The following ADAMTS3 variants were observed in gnomAD, a reference collection of about 807,000 sequenced individuals.
The protein encoded by ADAMTS3 is A disintegrin and metalloproteinase with thrombospondin motifs 3.
A neutral mutation model predicts 129.0 loss-of-function variants in ADAMTS3; 73 were observed. That is an observed-to-expected ratio of 0.57 (90% CI 0.47 to 0.69). The LOEUF is 0.69. Among genes scored for constraint, ADAMTS3 ranks in the 30% least tolerant of loss-of-function variants. The pLI is 0.00. For synonymous variants in ADAMTS3, 477 were observed against 510.8 expected (o/e 0.93, Z 0.89); for missense variants, 1,457 against 1,514.5 (o/e 0.96, Z 0.63).
chr4:72,518,268 A>G (rs535253207), intron 3 of ADAMTS3, among the ~76,000 whole-genome samples: 13 of 152,242 alleles, frequency 8.5e-5, no homozygotes, highest in Admixed American at 4.6e-4. Flanking sequence ...TATGTGGTCA[A>G]TTTTGGAATA....
chr4:72,404,370 T>C (rs1218697580), intron 4 of ADAMTS3, among the ~76,000 whole-genome samples: 1 of 151,804 alleles, frequency 6.6e-6, no homozygotes, highest in Non-Finnish European at 1.5e-5. Context: ...CACACATATA[T>C]GGTCAAATGG....
chr4:72,357,235 A>C (rs762084692), intron 4 of ADAMTS3, among the ~76,000 whole-genome samples: 4 of 151,934 alleles, frequency 2.6e-5, no homozygotes, highest in Non-Finnish European at 5.9e-5. Context: ...AAATATGTGA[A>C]TACCCTGTGA....
At chr4:72,320,566 G>A (rs1369806376) in intron 7 of ADAMTS3, 148 bp downstream of exon 7, 10 of 789,686 alleles carry the variant, frequency 1.3e-5, no homozygotes, top group East Asian at 1.1e-4. Flanking sequence ...ATAAGTCACT[G>A]TAAGCAAAAG....
intron 4 of ADAMTS3, among the ~76,000 whole-genome samples, chr4:72,368,462 T>C (rs1720925488): frequency 6.6e-6 from 1 of 152,238 alleles, no homozygotes; most frequent in African/African-American, 2.4e-5. Context: ...ACCAATTATA[T>C]ACTTAATTGA....
At chr4:72,393,882 G>A (rs983065276) in intron 4 of ADAMTS3, among the ~76,000 whole-genome samples, 1 of 152,132 alleles carries the variant, frequency 6.6e-6, no homozygotes, top group African/African-American at 2.4e-5. Context: ...TGAATTTCTG[G>A]AATTTGTTTT....
intron 3 of ADAMTS3, among the ~76,000 whole-genome samples, chr4:72,420,921 A>G (rs566807214): frequency 3.8e-4 from 58 of 152,222 alleles, no homozygotes; most frequent in African/African-American, 1.2e-3. Flanking sequence ...GGAGAAATAC[A>G]GAATTGTAAT....
intron 17 of ADAMTS3, among the ~76,000 whole-genome samples, chr4:72,301,704 C>T (rs1405116594): frequency 6.6e-6 from 1 of 151,166 alleles, no homozygotes; most frequent in African/African-American, 2.4e-5. Context: ...AAAATATTTG[C>T]AGAAACTTTT....
intron 3 of ADAMTS3, among the ~76,000 whole-genome samples, chr4:72,527,560 C>A (rs147491713): frequency 6.6e-6 from 1 of 152,230 alleles, no homozygotes; most frequent in Non-Finnish European, 1.5e-5. Flanking sequence ...AGATGTCCAT[C>A]TATTTATATA....
At chr4:72,498,483 C>G (rs1301147405) in intron 3 of ADAMTS3, among the ~76,000 whole-genome samples, 1 of 151,922 alleles carries the variant, frequency 6.6e-6, no homozygotes, top group Non-Finnish European at 1.5e-5. Context: ...AATGAGAATA[C>G]AACTTTCAAG....
At chr4:72,378,698 T>C (rs1721198428) in intron 4 of ADAMTS3, among the ~76,000 whole-genome samples, 1 of 152,098 alleles carries the variant, frequency 6.6e-6, no homozygotes, top group South Asian at 2.1e-4. Context: ...CTATTCCCAT[T>C]ATCTTATCTT....
intron 3 of ADAMTS3, among the ~76,000 whole-genome samples, chr4:72,510,642 T>C (rs1023197330): frequency 6.6e-6 from 1 of 151,758 alleles, no homozygotes; most frequent in Non-Finnish European, 1.5e-5. Flanking sequence ...AAATGCCATG[T>C]TCATGGATTT....
At chr4:72,409,735 C>G (rs1378697270) in intron 4 of ADAMTS3, among the ~76,000 whole-genome samples, 1 of 152,108 alleles carries the variant, frequency 6.6e-6, no homozygotes, top group East Asian at 1.9e-4. Context: ...AGCTCTTTAA[C>G]CTTCACTCTG....
intron 21 of ADAMTS3, among the ~76,000 whole-genome samples, chr4:72,286,460 T>A (rs1247495516): frequency 2.0e-5 from 3 of 152,208 alleles, no homozygotes. Context: ...ATATTTCAGA[T>A]GAAAATTTAT....
intron 3 of ADAMTS3, among the ~76,000 whole-genome samples, chr4:72,482,438 A>G (rs1045876818): frequency 5.3e-5 from 8 of 152,118 alleles, no homozygotes; most frequent in African/African-American, 1.9e-4. Flanking sequence ...ATATAGTACC[A>G]TTTACATACT....
In ADAMTS3 at chr4:72,513,622, A is replaced by T. The variant is rs1298482693; in HGVS notation, c.504+34856T>A. On this transcript the variant is annotated intron_variant, in intron 3 of 21. Coordinates refer to ENST00000286657, the MANE Select transcript of ADAMTS3 (RefSeq NM_014243.3). ...TTCCTTCTTTCCCCATACTTGTCAC[A>T]TCCATATGTTTACTTTCAGATTTTC... Among the ~76,000 whole-genome samples, 3 of 152,184 alleles carry T rather than the reference A, an allele frequency of 2.0e-5. No individual in the cohort carries two copies. In the South Asian group the frequency reaches 6.2e-4, roughly 32 times the overall value.
At chr4:72,497,393 G>A (rs973757466) in intron 3 of ADAMTS3, among the ~76,000 whole-genome samples, 1 of 151,748 alleles carries the variant, frequency 6.6e-6, no homozygotes, top group Non-Finnish European at 1.5e-5. Flanking sequence ...CTGTTCTACA[G>A]AATGTAACTA....
chr4:72,515,176 T>C (rs1048631482), intron 3 of ADAMTS3, among the ~76,000 whole-genome samples: 1 of 152,240 alleles, frequency 6.6e-6, no homozygotes, highest in African/African-American at 2.4e-5. Context: ...GATCCTTTTT[T>C]ATGGCTGCAT....
intron 15 of ADAMTS3, among the ~76,000 whole-genome samples, chr4:72,307,071 C>A (rs979741062): frequency 2.6e-5 from 4 of 151,836 alleles, no homozygotes; most frequent in Admixed American, 1.3e-4. Context: ...AATACATATT[C>A]TATGGAGAAT....
In ADAMTS3 at chr4:72,508,819, A is replaced by C. The variant is rs998338542; in HGVS notation, c.504+39659T>G. ...TAAATATTTACAGAACATTTCATCC[A>C]AGAGCTGTAGAATACACATTCTTTT... is the stretch of plus-strand genomic sequence containing the variant. On this transcript the variant is annotated intron_variant, in intron 3 of 21. Coordinates refer to ENST00000286657, the MANE Select transcript of ADAMTS3 (RefSeq NM_014243.3). Among the ~76,000 whole-genome samples the C allele has an allele frequency of 6.6e-5, 10 of 152,246 alleles. No homozygotes were observed. In the East Asian group the frequency reaches 1.7e-3, roughly 26 times the overall value.
Sources: allele counts gnomAD v4.1 joint callset (sites outside exome capture counted in the v4.1 genomes callset), GRCh38; gene constraint gnomAD v4.1.1; transcripts MANE v1.5; gene names NCBI Gene and HGNC (gene_info 2026-07-23, HGNC 2026-07-21).